The following MSI2 variants were observed in gnomAD, a reference collection of about 807,000 sequenced individuals.
The protein encoded by MSI2 is RNA-binding protein Musashi homolog 2.
MSI2 carries 17 observed loss-of-function variants against 45.6 expected under a neutral mutation model. That is an observed-to-expected ratio of 0.37 (90% CI 0.26 to 0.56). The LOEUF (loss-of-function observed/expected upper bound fraction) is 0.56, where lower values mean the gene tolerates loss of function less well. Ranked by LOEUF, MSI2 falls within the 20% of genes least tolerant of loss-of-function variation. MSI2 has a pLI of 0.77. For synonymous variants in MSI2, 156 were observed against 158.2 expected (o/e 0.99, Z 0.11); for missense variants, 293 against 444.2 (o/e 0.66, Z 3.06).
At chr17:57,518,810 T>G (rs554250712) in intron 6 of MSI2, among the ~76,000 whole-genome samples, 4 of 152,144 alleles carry the variant, frequency 2.6e-5, no homozygotes, top group Non-Finnish European at 4.4e-5. Context: ...GGCCTGGATT[T>G]CCAGAGCACA....
chr17:57,288,269 G>A (rs1302927785), intron 5 of MSI2, among the ~76,000 whole-genome samples: 1 of 152,230 alleles, frequency 6.6e-6, no homozygotes, highest in Non-Finnish European at 1.5e-5. Flanking sequence ...CTTAGTCAGT[G>A]TTGATTATGC....
At chr17:57,286,631 G>A (rs550478807) in intron 5 of MSI2, among the ~76,000 whole-genome samples, 1 of 152,136 alleles carries the variant, frequency 6.6e-6, no homozygotes, top group East Asian at 1.9e-4. Context: ...ACAAGGGGCT[G>A]CCTTACCAGT....
chr17:57,507,225 CTGTGTGTGTGTG>C lies in MSI2; in HGVS notation c.406-22407_406-22396del, dbSNP rs71140002. 2.5e-3 allele frequency among the ~76,000 whole-genome samples: 127 copies of C among 51,248 alleles called. 2 individuals are homozygous for C. Among genetic ancestry groups the C allele is most frequent in the African/African-American group, 4.4e-3 (103 of 23,624 alleles). The allele number at this position is 51,248 out of a possible 152,430, so 33.6% of individuals were successfully genotyped here. A position where few individuals can be genotyped will look rare whatever the true frequency, so the allele number is the denominator to read the frequency against. On this transcript the variant is annotated intron_variant, in intron 6 of 13. Transcript: ENST00000284073. ...CCCATTGGTTTTTGTCTTTGTCTCT[CTGTGTGTGTGTG>C]TGTGTGTGTGTGTGTGTGTGTGTGT...
chr17:57,553,799 A>G (rs1027743003), intron 7 of MSI2, among the ~76,000 whole-genome samples: 5 of 152,202 alleles, frequency 3.3e-5, no homozygotes, highest in African/African-American at 9.7e-5. Context: ...AGAGGCGGTG[A>G]GGAAAGAGCC....
intron 6 of MSI2, among the ~76,000 whole-genome samples, chr17:57,483,107 T>C (rs2143759723): frequency 6.6e-6 from 1 of 152,356 alleles, no homozygotes; most frequent in East Asian, 1.9e-4. Flanking sequence ...TAGCCTAATA[T>C]ACTAATGATA....
At chr17:57,471,204 C>G (rs1030120363) in intron 6 of MSI2, among the ~76,000 whole-genome samples, 1 of 151,744 alleles carries the variant, frequency 6.6e-6, no homozygotes, top group Admixed American at 6.6e-5. Context: ...ACCTTTAGCT[C>G]CATCCAAGGT....
At chr17:57,417,126 G>A (rs1031129488) in intron 6 of MSI2, among the ~76,000 whole-genome samples, 4 of 152,162 alleles carry the variant, frequency 2.6e-5, no homozygotes, top group Non-Finnish European at 4.4e-5. Flanking sequence ...CAGCTGACTC[G>A]GCTGTTCCCT....
chr17:57,520,646 C>T (rs993215159), intron 6 of MSI2, among the ~76,000 whole-genome samples: 2 of 151,936 alleles, frequency 1.3e-5, no homozygotes, highest in Non-Finnish European at 1.5e-5. Flanking sequence ...CAATTTTTTT[C>T]ATTTAGGAGA....
intron 7 of MSI2, among the ~76,000 whole-genome samples, chr17:57,581,244 C>G (rs1019726783): frequency 6.6e-6 from 1 of 152,034 alleles, no homozygotes; most frequent in African/African-American, 2.4e-5. Flanking sequence ...AACTCCTGGC[C>G]TCAGGTGATT....
intron 10 of MSI2, among the ~76,000 whole-genome samples, chr17:57,633,560 C>T (rs903443547): frequency 6.6e-6 from 1 of 152,344 alleles, no homozygotes; most frequent in African/African-American, 2.4e-5. Context: ...TGGTTGTGCA[C>T]GTGGCCTGCT....
At chr17:57,495,531 T>A (rs1426718294) in intron 6 of MSI2, among the ~76,000 whole-genome samples, 1 of 3,756 alleles carries the variant, frequency 2.7e-4, no homozygotes, top group Non-Finnish European at 5.3e-4. Flanking sequence ...AGACTCTGTC[T>A]CAAAAAAAAA....
chr17:57,435,574 T>A (rs960098346), intron 6 of MSI2, among the ~76,000 whole-genome samples: 1 of 152,232 alleles, frequency 6.6e-6, no homozygotes, highest in Non-Finnish European at 1.5e-5. Context: ...TCAATTCTTC[T>A]GTCGTACACC....
chr17:57,314,103 G>A (rs767177945), intron 5 of MSI2, among the ~76,000 whole-genome samples: 3 of 152,128 alleles, frequency 2.0e-5, no homozygotes, highest in Non-Finnish European at 4.4e-5. Flanking sequence ...GTCTCCCTCC[G>A]TGGCTTCTAG....
intron 7 of MSI2, chr17:57,532,168 G>A (rs1307566590): frequency 6.6e-6 from 1 of 152,350 alleles, no homozygotes; most frequent in African/African-American, 2.4e-5. Context: ...GGACCTGCCA[G>A]AGCTGAAGAT....
intron 5 of MSI2, among the ~76,000 whole-genome samples, chr17:57,349,178 G>A (rs759904185): frequency 4.6e-5 from 7 of 152,218 alleles, no homozygotes; most frequent in South Asian, 2.1e-4. Context: ...CTCTCGTCTC[G>A]GAGCCCTTCC....
chr17:57,517,860 A>G (rs962466107), intron 6 of MSI2, among the ~76,000 whole-genome samples: 1 of 152,130 alleles, frequency 6.6e-6, no homozygotes, highest in African/African-American at 2.4e-5. Context: ...ACCTCCCATC[A>G]GAGTGGCAGA....
rs184531380 is a variant in MSI2, at chr17:57,331,299, G to A, written c.312+69107G>A. ...CAGGACACACTGTCCAGTCTTCTGT[G>A]TTTCCACGTGGTTCCTCGATGAACC... On this transcript the variant is annotated intron_variant, in intron 5 of 13. Transcript: ENST00000284073. Among the ~76,000 whole-genome samples the A allele has an allele frequency of 1.9e-4, 29 of 152,300 alleles. 1 individual carries two copies. The East Asian group carries it at 5.6e-3, about 29-fold the overall frequency.
chr17:57,652,247 G>C lies in MSI2; in HGVS notation c.790+86G>C, dbSNP rs1911213229. 2.1e-5 allele frequency: 28 copies of C among 1,344,480 alleles called. No individual in the cohort carries two copies. The South Asian group carries it at 3.2e-4, about 15-fold the overall frequency. The allele number at this position is 1,344,480 out of a possible 1,614,324, so 83.3% of individuals were successfully genotyped here. A position where few individuals can be genotyped will look rare whatever the true frequency, so the allele number is the denominator to read the frequency against. On this transcript the variant is annotated intron_variant, in intron 11 of 13. Transcript: ENST00000284073. The surrounding 1 kb of genome is among the most constrained non-coding windows in gnomAD (Gnocchi z 4.1). The stretch of plus-strand genomic sequence containing the variant: ...AAGGCCCTGTCGGATCTGTGTGGCT[G>C]CATCTGTCCAACACCACTCTCACCA...
rs1290693986 is a variant in MSI2 at position 57,627,035 on chromosome 17, A to C, written c.653-194A>C. The C allele has an allele frequency of 3.3e-6, 2 of 612,008 alleles. No individual in the cohort carries two copies. Among genetic ancestry groups the C allele is most frequent in the African/African-American group, 3.7e-5 (2 of 53,968 alleles). The allele number at this position is 612,008 out of a possible 1,614,324, so 37.9% of individuals were successfully genotyped here. A position where few individuals can be genotyped will look rare whatever the true frequency, so the allele number is the denominator to read the frequency against. On this transcript the variant is annotated intron_variant, in intron 9 of 13. Transcript: ENST00000284073. The surrounding 1 kb of genome is among the most constrained non-coding windows in gnomAD (Gnocchi z 4.6). ...CTGCCCAAATATGGGTTAATTAGCA[A>C]CAGCTGACAGCAGCGCCCCCGGCCA...
Sources: gnomAD v4.1 joint callset for allele counts (sites outside exome capture counted in the v4.1 genomes callset) on GRCh38, gnomAD v4.1.1 for gene constraint, Gnocchi (gnomAD v3.1) non-coding constraint, MANE v1.5 for transcripts, NCBI Gene and HGNC (gene_info 2026-07-23, HGNC 2026-07-21) for gene names.